The following DGKI variants were observed in gnomAD, a reference collection of about 807,000 sequenced individuals.
The protein encoded by DGKI is diacylglycerol kinase iota.
DGKI carries 55 observed loss-of-function variants against 147.5 expected under a neutral mutation model. The observed-to-expected ratio is 0.37, with a 90% confidence interval of 0.30 to 0.47. The LOEUF (loss-of-function observed/expected upper bound fraction) is 0.47, where lower values mean the gene tolerates loss of function less well. Ranked by LOEUF, DGKI falls within the 20% of genes least tolerant of loss-of-function variation. DGKI has a pLI of 1.00. For missense variants in DGKI, 1,007 were observed against 1,323.8 expected, an observed-to-expected ratio of 0.76 and a Z score of 3.71; for synonymous variants, 469 against 477.1, an observed-to-expected ratio of 0.98 and a Z score of 0.22.
chr7:137,792,448 G>A (rs1039409066), intron 1 of DGKI, among the ~76,000 whole-genome samples: 1 of 152,170 alleles, frequency 6.6e-6, no homozygotes, highest in Non-Finnish European at 1.5e-5. Flanking sequence ...TAAGCACTGT[G>A]TTGGGTGCTG....
intron 1 of DGKI, among the ~76,000 whole-genome samples, chr7:137,818,503 T>A (rs1797803332): frequency 1.3e-5 from 2 of 152,140 alleles, no homozygotes; most frequent in South Asian, 4.1e-4. Flanking sequence ...CTCAGCTCAC[T>A]GCAACCTCCG....
chr7:137,597,186 T>C (rs937288769), intron 12 of DGKI, among the ~76,000 whole-genome samples: 7 of 152,094 alleles, frequency 4.6e-5, no homozygotes, highest in African/African-American at 1.4e-4. Context: ...CAGAGTAGGG[T>C]GAGTACAGTT....
chr7:137,512,643 A>C (rs1204188686), intron 21 of DGKI, among the ~76,000 whole-genome samples: 1 of 152,192 alleles, frequency 6.6e-6, no homozygotes, highest in African/African-American at 2.4e-5. Flanking sequence ...TTAAGGATCT[A>C]CCTGCAATTG....
chr7:137,626,446 A>T (rs1039048936), intron 6 of DGKI, among the ~76,000 whole-genome samples: 1 of 152,050 alleles, frequency 6.6e-6, no homozygotes, highest in Non-Finnish European at 1.5e-5. Context: ...AACACCTGAG[A>T]GTTGCAACCG....
intron 1 of DGKI, among the ~76,000 whole-genome samples, chr7:137,808,860 C>CA (rs1354590720): frequency 2.8e-4 from 43 of 152,318 alleles, no homozygotes. Flanking sequence ...CTGGAACCAA[C>CA]ATTACACATG....
rs570816451 is a variant in DGKI at position 137,541,612 on chromosome 7, A to G, written c.2147+10757T>C. ...TGGATACTAAGGGATGACTTTTTGT[A>G]TATCCAATTGATTTTTGGTAGAGTT... On this transcript the variant is annotated intron_variant, in intron 20 of 32. Transcript: ENST00000614521. Among the ~76,000 whole-genome samples the G allele has an allele frequency of 2.0e-5, 3 of 152,328 alleles. No individual in the cohort carries two copies. In the East Asian group the frequency reaches 5.8e-4, roughly 29 times the overall value.
At chr7:137,845,254 C>T (rs1798675957) in intron 1 of DGKI, among the ~76,000 whole-genome samples, 1 of 152,180 alleles carries the variant, frequency 6.6e-6, no homozygotes, top group Admixed American at 6.5e-5. Flanking sequence ...ACTGTGGCCT[C>T]CAGGCCAGGC....
intron 6 of DGKI, among the ~76,000 whole-genome samples, chr7:137,641,788 T>G (rs1821636838): frequency 2.0e-5 from 3 of 152,230 alleles, no homozygotes. Flanking sequence ...AAAGTTAGCT[T>G]GTTTATTTTT....
intron 21 of DGKI, among the ~76,000 whole-genome samples, chr7:137,505,531 T>C (rs1166134384): frequency 6.6e-6 from 1 of 152,170 alleles, no homozygotes; most frequent in Non-Finnish European, 1.5e-5. Flanking sequence ...CAAATTAGAA[T>C]ATTCACTTCT....
At chr7:137,648,790 T>C (rs559210345) in intron 5 of DGKI, among the ~76,000 whole-genome samples, 1 of 152,318 alleles carries the variant, frequency 6.6e-6, no homozygotes, top group South Asian at 2.1e-4. Flanking sequence ...GACTACTGTA[T>C]ATAATTTGGT....
chr7:137,755,403 T>C (rs1461376251), intron 1 of DGKI, among the ~76,000 whole-genome samples: 1 of 152,086 alleles, frequency 6.6e-6, no homozygotes, highest in Admixed American at 6.5e-5. Flanking sequence ...TTGACTTTAG[T>C]TTAAGGGCAG....
chr7:137,619,798 A>G (rs1280423158), intron 8 of DGKI, 26 bp downstream of exon 8: 1 of 1,566,788 alleles, frequency 6.4e-7, no homozygotes, highest in Admixed American at 1.7e-5. Context: ...GCACTGGCCC[A>G]GCAGCACCAG....
intron 1 of DGKI, among the ~76,000 whole-genome samples, chr7:137,801,926 G>C (rs759838322): frequency 3.9e-5 from 6 of 152,076 alleles, no homozygotes; most frequent in Non-Finnish European, 8.8e-5. Context: ...ATGCATTTTT[G>C]GAAGACACGA....
intron 27 of DGKI, among the ~76,000 whole-genome samples, chr7:137,449,742 A>G (rs897638173): frequency 3.3e-5 from 5 of 152,202 alleles, no homozygotes; most frequent in African/African-American, 9.7e-5. Context: ...CAAAAATAGA[A>G]CTACCATATG....
chr7:137,792,170 A>G (rs1272944487), intron 1 of DGKI, among the ~76,000 whole-genome samples: 4 of 152,206 alleles, frequency 2.6e-5, no homozygotes, highest in Non-Finnish European at 4.4e-5. Context: ...CCGGCTTCCA[A>G]GAATCACAAG....
rs1443066491 is a variant in DGKI at position 137,722,883 on chromosome 7, C to G, written c.402-32881G>C. ...CTTAAGAACTTAATTAAATAGTTGA[C>G]TACGTTAAAAAAAAAAAAAAGTATA... On this transcript the variant is annotated intron_variant, in intron 1 of 32. Coordinates refer to ENST00000614521, the MANE Select transcript of DGKI (RefSeq NM_001321708.2). 1.4e-5 allele frequency: 9 copies of G among 653,088 alleles called. No homozygotes were observed. In the Admixed American group the frequency reaches 3.1e-4, roughly 22 times the overall value. The allele number at this position is 653,088 out of a possible 1,614,324, so 40.5% of individuals were successfully genotyped here.
rs140092821 is a variant in DGKI at position 137,590,823 on chromosome 7, G to C, written c.1312-3613C>G. Among the ~76,000 whole-genome samples the C allele has an allele frequency of 4.5e-3, 689 of 152,306 alleles. 5 individuals carry two copies. The highest frequency in any genetic ancestry group is 0.016 in the African/African-American group (661 of 41,560). On this transcript the variant is annotated intron_variant, in intron 12 of 32. Coordinates refer to ENST00000614521, the MANE Select transcript of DGKI (RefSeq NM_001321708.2). Reference sequence around the variant, plus strand: ...TTCTCCAGCCTCCGCCACGCGAGCAGCTGGGACCACAGGTGCAAGTCACCA... The same window carrying C: ...TTCTCCAGCCTCCGCCACGCGAGCACCTGGGACCACAGGTGCAAGTCACCA...
chr7:137,689,927 T>C lies in DGKI; in HGVS notation c.477A>G (p.Pro159=), dbSNP rs771792134. The C allele has an allele frequency of 2.5e-6, 4 of 1,607,586 alleles. No homozygotes were observed. The African/African-American group carries it at 5.4e-5, about 22-fold the overall frequency. Residue 159 remains proline (P), a synonymous_variant, in exon 2 of 33, where the codon CCA becomes CCG. Coordinates refer to ENST00000614521, the MANE Select transcript of DGKI (RefSeq NM_001321708.2). ...CCAAAGTCGCTCTGGGCTCCTTGGC[T>C]GGACCATTTGCCACAGGAAGGCTGA... The part of the protein sequence containing the change: ...HPLSLPVANG[P]AKEPRATLDW...
At chr7:137,503,957 T>G (rs1816276919) in intron 21 of DGKI, among the ~76,000 whole-genome samples, 1 of 152,154 alleles carries the variant, frequency 6.6e-6, no homozygotes, top group African/African-American at 2.4e-5. Flanking sequence ...TTATAGCAGA[T>G]AATGTGTTGT....
Sources: allele counts gnomAD v4.1 joint callset (sites outside exome capture counted in the v4.1 genomes callset), GRCh38; gene constraint gnomAD v4.1.1; transcripts MANE v1.5; gene names NCBI Gene and HGNC (gene_info 2026-07-23, HGNC 2026-07-21).